Variants in PYGM observed in about 807,000 individuals in gnomAD.
PYGM encodes the protein glycogen phosphorylase, muscle associated, also known as glycogen phosphorylase, muscle form.
PYGM carries 81 observed loss-of-function variants against 99.3 expected under a neutral mutation model. The observed-to-expected ratio is 0.82, with a 90% confidence interval of 0.68 to 0.98. The LOEUF is 0.98. PYGM is among the 50% of genes least tolerant of loss of function. PYGM has a pLI of 0.00. For synonymous variants in PYGM, 436 were observed against 451.5 expected, an observed-to-expected ratio of 0.97 and a Z score of 0.44; for missense variants, 1,030 against 1,158.1, an observed-to-expected ratio of 0.89 and a Z score of 1.61.
In PYGM at chr11:64,751,333, G is replaced by A. The variant is rs1274186900; in HGVS notation, c.1961C>T (p.Ala654Val). 6.2e-7 allele frequency: 1 copy of A among 1,614,126 alleles called. No homozygotes were observed. Among genetic ancestry groups the A allele is most frequent in the South Asian group, 1.1e-5 (1 of 91,086 alleles). ...CTGTTGGCAGCACCCACCTTTCTCG[G>A]CCAGTGAGACTCGGTAGTTCTCCAG... ...IFLENYRVSL[A>V]EKVIPAADLS... The change falls in exon 16 of 20, where the codon GCC becomes GTC. Residue 654 changes from alanine to valine, a missense_variant. By Grantham distance (64) the Ala-to-Val change is moderately conservative. Coordinates refer to ENST00000164139, the MANE Select transcript of PYGM (RefSeq NM_005609.4).
rs1384034402 is a variant in PYGM at position 64,755,426 on chromosome 11, G to T, written c.772+21C>A. The T allele has an allele frequency of 6.2e-7, 1 of 1,613,090 alleles. No individual in the cohort carries two copies. Among genetic ancestry groups the T allele is most frequent in the Non-Finnish European group, 8.5e-7 (1 of 1,179,044 alleles). ...GCCGGCGGGCAAGCTGGGGTTGCTG[G>T]CTACCAGTGGATGAACTCACAGTCC... On this transcript the variant is annotated intron_variant, in intron 6 of 19. Coordinates refer to ENST00000164139, the MANE Select transcript of PYGM (RefSeq NM_005609.4). The surrounding 1 kb of genome is among the most constrained non-coding windows in gnomAD (Gnocchi z 4.1).
At chr11:64,758,547 C>T (rs768122854) in intron 2 of PYGM, 32 bp from the exon 3 acceptor site, 39 of 1,613,818 alleles carry the variant, frequency 2.4e-5, no homozygotes, top group Non-Finnish European at 2.7e-5. Context: ...TGGTCAGGGT[C>T]AAGTGTCAGC....
chr11:64,752,197 T>C, intron 13 of PYGM, 126 bp from the exon 14 acceptor site: 1 of 1,413,168 alleles, frequency 7.1e-7, no homozygotes, highest in Non-Finnish European at 1.0e-6. Flanking sequence ...TGTCCACTCC[T>C]GTACCAGGGC....
Position 64,754,495 on chromosome 11 carries a change from G to C in PYGM, c.1000-150C>G. On this transcript the variant is annotated intron_variant, in intron 8 of 19. Transcript: ENST00000164139. The surrounding 1 kb of genome is among the most constrained non-coding windows in gnomAD (Gnocchi z 5.5). Reference sequence around the variant, plus strand: ...CAGGCCGGTGCTCATGGGGGTGGGAGGAATGGGGGGAGTGGGGCGGGAGGA... The same window carrying C: ...CAGGCCGGTGCTCATGGGGGTGGGACGAATGGGGGGAGTGGGGCGGGAGGA... 1.1e-6 allele frequency: 1 copy of C among 915,058 alleles called. No individual in the cohort carries two copies. Among genetic ancestry groups the C allele is most frequent in the Non-Finnish European group, 1.7e-6 (1 of 602,826 alleles). 56.7% of individuals were successfully genotyped at this position (915,058 alleles called of 1,614,324 possible).
upstream of PYGM, chr11:64,760,096 AGGAGAGGGGAG>A: frequency 1.2e-6 from 1 of 823,046 alleles, no homozygotes; most frequent in Non-Finnish European, 1.8e-6. Flanking sequence ...AGGGGAGGAG[AGGAGAGGGGAG>A]GGAGAGGTGA....
intron 5 of PYGM, among the ~76,000 whole-genome samples, chr11:64,757,162 A>G (rs541582231): frequency 6.6e-6 from 1 of 152,178 alleles, no homozygotes; most frequent in Non-Finnish European, 1.5e-5. Flanking sequence ...AGCTCAAGCA[A>G]TCTGCTCACC....
At chr11:64,757,329 A>C (rs532566604) in intron 5 of PYGM, among the ~76,000 whole-genome samples, 10 of 152,220 alleles carry the variant, frequency 6.6e-5, no homozygotes, top group South Asian at 2.1e-4. Flanking sequence ...AAGTGCTGGG[A>C]TTACGGGCAT....
In PYGM at chr11:64,750,494, C is replaced by T; in HGVS notation, c.2059G>A (p.Ala687Thr). ...CCGTCCATGGTGCCAATGGTCAGAGCCCCGTTGAGCATGAACTTCATGTTG... is the reference window on the plus strand; with the variant it reads ...CCGTCCATGGTGCCAATGGTCAGAGTCCCGTTGAGCATGAACTTCATGTTG... ...TGNMKFMLNG[A>T]LTIGTMDGAN... The change falls in exon 17 of 20, where the codon GCT becomes ACT. Residue 687 changes from alanine (A) to threonine (T), a missense_variant. Ala to Thr is a moderately conservative substitution (Grantham distance 58). Coordinates refer to ENST00000164139, the MANE Select transcript of PYGM (RefSeq NM_005609.4). 6.2e-7 allele frequency: 1 copy of T among 1,614,246 alleles called. No homozygotes were observed. Among genetic ancestry groups the T allele is most frequent in the South Asian group, 1.1e-5 (1 of 91,090 alleles).
chr11:64,753,157 AT>A lies in PYGM; in HGVS notation c.1433del (p.His478LeufsTer61). On this transcript the variant is annotated frameshift_variant, in exon 12 of 20. Transcript: ENST00000164139. LOFTEE classifies it high-confidence loss of function. ...IFKDFYELEPHKFQNKTNGIT... is the reference protein window; with the variant it reads ...IFKDFYELEPXKFQNKTNGIT... ...TGCCGTTGGTCTTATTCTGGAACTTATGAGGCTCCAGCTCATAGAAGTCTTT... is the reference window on the plus strand; with the variant it reads ...TGCCGTTGGTCTTATTCTGGAACTTAGAGGCTCCAGCTCATAGAAGTCTTT... 1 of 1,613,566 alleles carries A rather than the reference AT, an allele frequency of 6.2e-7. No homozygotes were observed. Among genetic ancestry groups the A allele is most frequent in the South Asian group, 1.1e-5 (1 of 91,066 alleles).
At position 64,753,656 on chromosome 11, in the gene PYGM, G is replaced by C. The variant is rs769602726; in HGVS notation, c.1266C>G (p.Asp422Glu). The change falls in exon 11 of 20, where the codon GAC becomes GAG. Residue 422 changes from aspartate to glutamate, a missense_variant. Coordinates refer to ENST00000164139, the MANE Select transcript of PYGM (RefSeq NM_005609.4). Reference sequence around the variant, plus strand: ...GCGACATGCGCCGCAGCCGGTCTACGTCCCCTGGGAATGCGGCCGCCACCC... The same window carrying C: ...GCGACATGCGCCGCAGCCGGTCTACCTCCCCTGGGAATGCGGCCGCCACCC... ...LNRVAAAFPGDVDRLRRMSLV... is the reference protein window; with the variant it reads ...LNRVAAAFPGEVDRLRRMSLV... 10 of 1,608,666 alleles carry C rather than the reference G, an allele frequency of 6.2e-6. No homozygotes were observed. Among genetic ancestry groups the C allele is most frequent in the South Asian group, 1.1e-5 (1 of 90,660 alleles).
chr11:64,753,066 C>T lies in PYGM; in HGVS notation c.1518+7G>A, dbSNP rs749236693. 1.9e-6 allele frequency: 3 copies of T among 1,600,438 alleles called. No homozygotes were observed. Among genetic ancestry groups the T allele is most frequent in the South Asian group, 1.1e-5 (1 of 90,786 alleles). ...TTGACTCTACTGGCCCTACGGTGGC[C>T]TCTCACCTCAGCAATGACCTCTGCC... On this transcript the variant is annotated splice_region_variant and intron_variant, in intron 12 of 19. Coordinates refer to ENST00000164139, the MANE Select transcript of PYGM (RefSeq NM_005609.4).
chr11:64,752,382 C>T (rs1381281843), intron 13 of PYGM, 21 bp downstream of exon 13: 3 of 1,608,612 alleles, frequency 1.9e-6, no homozygotes, highest in Non-Finnish European at 2.6e-6. Flanking sequence ...CACAGCTGTC[C>T]CACATTGCAT....
Position 64,758,289 on chromosome 11 carries a change from T to C in PYGM, c.485A>G (p.Tyr162Cys), listed in dbSNP as rs2058407571. The change falls in exon 4 of 20, where the codon TAT becomes TGT. Residue 162 changes from tyrosine (Y) to cysteine (C), a missense_variant. Tyr to Cys is a radical substitution (Grantham distance 194, BLOSUM62 -2). Coordinates refer to ENST00000164139, the MANE Select transcript of PYGM (RefSeq NM_005609.4). ...CTTCTGGTTAAAAATCCCAAACTCATAGCGAATCCCGTAGCCATAGGCGGC... is the reference window on the plus strand; with the variant it reads ...CTTCTGGTTAAAAATCCCAAACTCACAGCGAATCCCGTAGCCATAGGCGGC... Reference protein sequence around the residue: ...GLAAYGYGIRYEFGIFNQKIS... With the variant: ...GLAAYGYGIRCEFGIFNQKIS... The C allele has an allele frequency of 6.2e-7, 1 of 1,613,992 alleles. No individual in the cohort carries two copies. The highest frequency in any genetic ancestry group is 8.5e-7 in the Non-Finnish European group (1 of 1,179,954).
chr11:64,754,184 G>A lies in PYGM; in HGVS notation c.1092+69C>T, dbSNP rs1201679103. The A allele has an allele frequency of 1.1e-5, 18 of 1,576,666 alleles. No individual in the cohort carries two copies. The highest frequency in any genetic ancestry group is 4.4e-5 in the South Asian group (4 of 90,300). ...CTTCACTCCATTCATATCCTCCCAC[G>A]CTCCCAAACTGGGAAGGGAACCCCG... On this transcript the variant is annotated intron_variant, in intron 9 of 19. Transcript: ENST00000164139. The surrounding 1 kb of genome is among the most constrained non-coding windows in gnomAD (Gnocchi z 5.5).
rs2058377692 is a variant in PYGM at position 64,754,041 on chromosome 11, G to C, written c.1093-16C>G. 3.8e-6 allele frequency: 6 copies of C among 1,596,972 alleles called. No individual in the cohort carries two copies. In the South Asian group the frequency reaches 6.7e-5, roughly 18 times the overall value. On this transcript the variant is annotated splice_polypyrimidine_tract_variant and intron_variant, in intron 9 of 19. Transcript: ENST00000164139. The surrounding 1 kb of genome is among the most constrained non-coding windows in gnomAD (Gnocchi z 5.5). ...CATCCCACGCCTGGCACACGGGGTG[G>C]GCAGTCAGGATGCTGACCTCAGCCC...
Position 64,746,989 on chromosome 11 carries a change from T to C in PYGM, c.2313-2A>G. On this transcript the variant is annotated splice_acceptor_variant, in intron 18 of 19. Coordinates refer to ENST00000164139, the MANE Select transcript of PYGM (RefSeq NM_005609.4). LOFTEE classifies it high-confidence loss of function. ...TCATAATCTGCGAAGACTTTAAACCTGGAGGGGAAAGGATAGGCATGTGCT... is the reference window on the plus strand; with the variant it reads ...TCATAATCTGCGAAGACTTTAAACCCGGAGGGGAAAGGATAGGCATGTGCT... 6.2e-7 allele frequency: 1 copy of C among 1,614,084 alleles called. No homozygotes were observed.
intron 1 of PYGM, among the ~76,000 whole-genome samples, chr11:64,759,364 C>T (rs2058417681): frequency 6.6e-6 from 1 of 152,186 alleles, no homozygotes; most frequent in East Asian, 1.9e-4. Context: ...TGTGTCCTTC[C>T]ACCTGGGCCC....
intron 12 of PYGM, 54 bp from the exon 13 acceptor site, chr11:64,752,558 A>C: frequency 6.6e-7 from 1 of 1,515,846 alleles, no homozygotes; most frequent in Non-Finnish European, 9.1e-7. Context: ...CCTCCTCCCA[A>C]CACAGAAGGG....
rs2058347485 is a variant in PYGM, at chr11:64,750,456, C to T, written c.2097G>A (p.Glu699=). ...TTTCCTCTCCCGCCTCTTCTGCCATCTCCACATTGGCCCCGTCCATGGTGC... is the reference window on the plus strand; with the variant it reads ...TTTCCTCTCCCGCCTCTTCTGCCATTTCCACATTGGCCCCGTCCATGGTGC... ...TIGTMDGANV[E]MAEEAGEENF... The change falls in exon 17 of 20, where the codon GAG becomes GAA. Residue 699 remains glutamate (E), a synonymous_variant. Transcript: ENST00000164139. 1 of 1,614,256 alleles carries T rather than the reference C, an allele frequency of 6.2e-7. No individual in the cohort carries two copies. Among genetic ancestry groups the T allele is most frequent in the African/African-American group, 1.3e-5 (1 of 75,070 alleles).
Sources: gnomAD v4.1 joint callset for allele counts (sites outside exome capture counted in the v4.1 genomes callset) on GRCh38, gnomAD v4.1.1 for gene constraint, Gnocchi (gnomAD v3.1) non-coding constraint, MANE v1.5 for transcripts, NCBI Gene and HGNC (gene_info 2026-07-23, HGNC 2026-07-21) for gene names.